The following TMEM117 variants were observed in gnomAD, a reference collection of about 807,000 sequenced individuals.
TMEM117 encodes transmembrane protein 117.
A neutral mutation model predicts 52.4 loss-of-function variants in TMEM117; 27 were observed. The observed-to-expected ratio is 0.51, with a 90% CI of 0.38 to 0.71. The LOEUF is 0.71. Among genes scored for constraint, TMEM117 ranks in the 30% least tolerant of loss-of-function variants. The pLI, the probability that TMEM117 is intolerant of heterozygous loss-of-function variation, is 0.00. For synonymous variants in TMEM117, 215 were observed against 206.3 expected, an observed-to-expected ratio of 1.04 and a Z score of -0.36; for missense variants, 556 against 630.5, an observed-to-expected ratio of 0.88 and a Z score of 1.26.
chr12:44,246,142 T>A (rs867525611), intron 5 of TMEM117, among the ~76,000 whole-genome samples: 13 of 152,236 alleles, frequency 8.5e-5, no homozygotes, highest in African/African-American at 3.1e-4. Flanking sequence ...CTAATTTTTA[T>A]GAACCATGCA....
chr12:44,344,035 C>T (rs1673871734), intron 6 of TMEM117, among the ~76,000 whole-genome samples: 1 of 152,066 alleles, frequency 6.6e-6, no homozygotes, highest in African/African-American at 2.4e-5. Context: ...TTGTTCAGTG[C>T]TGAGCACAAA....
chr12:44,146,590 C>G (rs908365889), intron 4 of TMEM117, among the ~76,000 whole-genome samples: 2 of 152,106 alleles, frequency 1.3e-5, no homozygotes, highest in Non-Finnish European at 2.9e-5. Flanking sequence ...GGGAGGATTC[C>G]CAGAGCACAT....
At chr12:44,091,428 A>G (rs1947669652) in intron 3 of TMEM117, among the ~76,000 whole-genome samples, 1 of 152,206 alleles carries the variant, frequency 6.6e-6, no homozygotes, top group African/African-American at 2.4e-5. Flanking sequence ...TTAGGAGAAC[A>G]AAGTACCATA....
At chr12:43,876,711 C>T (rs187063480) in intron 2 of TMEM117, among the ~76,000 whole-genome samples, 153 of 152,162 alleles carry the variant, frequency 1.0e-3, no homozygotes, top group African/African-American at 3.5e-3. Flanking sequence ...TAAGGTATTG[C>T]GTTTTCCAAT....
chr12:43,981,913 TAGG>T (rs1318092957), intron 3 of TMEM117, among the ~76,000 whole-genome samples: 2 of 151,948 alleles, frequency 1.3e-5, no homozygotes, highest in Non-Finnish European at 1.5e-5. Flanking sequence ...TACAATTAGA[TAGG>T]AGGAGTAAGT....
At chr12:44,004,263 T>G (rs888321484) in intron 3 of TMEM117, among the ~76,000 whole-genome samples, 1 of 152,002 alleles carries the variant, frequency 6.6e-6, no homozygotes, top group Non-Finnish European at 1.5e-5. Context: ...GAAAATGGAG[T>G]GCTCTTTTGC....
intron 6 of TMEM117, among the ~76,000 whole-genome samples, chr12:44,369,563 C>T (rs1951834709): frequency 6.6e-6 from 1 of 152,132 alleles, no homozygotes; most frequent in South Asian, 2.1e-4. Context: ...AGATATTAAA[C>T]AATCCTATAA....
intron 2 of TMEM117, among the ~76,000 whole-genome samples, chr12:43,865,338 GCCCC>G (rs1943572243): frequency 6.6e-6 from 1 of 152,128 alleles, no homozygotes; most frequent in African/African-American, 2.4e-5. Flanking sequence ...CCAGAAGGGT[GCCCC>G]TTAGAAATAA....
chr12:44,190,558 G>A (rs1471029143), intron 4 of TMEM117, among the ~76,000 whole-genome samples: 1 of 152,100 alleles, frequency 6.6e-6, no homozygotes, highest in Non-Finnish European at 1.5e-5. Flanking sequence ...AAAATGTGGA[G>A]AAGAAAATAG....
chr12:44,216,200 G>T (rs1372348486), intron 5 of TMEM117, among the ~76,000 whole-genome samples: 2 of 151,852 alleles, frequency 1.3e-5, no homozygotes, highest in Non-Finnish European at 2.9e-5. Flanking sequence ...AAGAGAGGGA[G>T]TTTCACCATG....
intron 3 of TMEM117, among the ~76,000 whole-genome samples, chr12:44,091,308 A>G (rs944500101): frequency 6.6e-6 from 1 of 152,158 alleles, no homozygotes; most frequent in Non-Finnish European, 1.5e-5. Context: ...GGGAGCTACA[A>G]TTCAAGTTGA....
chr12:44,328,923 A>C (rs147005672), intron 6 of TMEM117, among the ~76,000 whole-genome samples: 2 of 152,108 alleles, frequency 1.3e-5, no homozygotes, highest in Middle Eastern at 3.4e-3. Flanking sequence ...GAAATAAGAC[A>C]AGTCTTGGAT....
At chr12:44,035,002 T>C (rs536373802) in intron 3 of TMEM117, among the ~76,000 whole-genome samples, 3 of 152,330 alleles carry the variant, frequency 2.0e-5, no homozygotes, top group South Asian at 2.1e-4. Context: ...TCTCATCTCA[T>C]CTTCTCTGGT....
chr12:44,154,767 A>C (rs1218316521), intron 4 of TMEM117, among the ~76,000 whole-genome samples: 1 of 137,428 alleles, frequency 7.3e-6, no homozygotes. Context: ...TATATATCTA[A>C]AAAAAAAAAC....
intron 2 of TMEM117, among the ~76,000 whole-genome samples, chr12:43,922,122 A>C (rs4238093): frequency 0.78 from 118,605 of 152,048 alleles, 49,196 homozygotes; most frequent in Non-Finnish European, 0.91. Context: ...AGTGAGTCAG[A>C]TATGTCTTAC....
intron 5 of TMEM117, among the ~76,000 whole-genome samples, chr12:44,287,770 C>T (rs943236236): frequency 6.6e-6 from 1 of 152,190 alleles, no homozygotes; most frequent in African/African-American, 2.4e-5. Flanking sequence ...AACCATCTTA[C>T]ATCATTTCTA....
the TMEM117 span, among the ~76,000 whole-genome samples, chr12:43,825,676 A>C: frequency 6.6e-6 from 1 of 152,128 alleles, no homozygotes; most frequent in Non-Finnish European, 1.5e-5. Flanking sequence ...CAGTAACATG[A>C]ATAATTCCCT....
chr12:44,186,350 G>A (rs147555514), intron 4 of TMEM117, among the ~76,000 whole-genome samples: 40 of 152,276 alleles, frequency 2.6e-4, no homozygotes, highest in East Asian at 1.5e-3. Flanking sequence ...TTGGCAAACC[G>A]AGCAAGACTG....
chr12:44,256,983 C>T (rs74375879), intron 5 of TMEM117, among the ~76,000 whole-genome samples: 1,599 of 151,040 alleles, frequency 0.011, 11 homozygotes, highest in African/African-American at 0.018. Context: ...TCCCTGCTGA[C>T]CCTGACAAAT....
Sources: allele counts gnomAD v4.1 joint callset (sites outside exome capture counted in the v4.1 genomes callset), GRCh38; gene constraint gnomAD v4.1.1; transcripts MANE v1.5; gene names NCBI Gene and HGNC (gene_info 2026-07-23, HGNC 2026-07-21).